Variants in RORA observed in about 807,000 individuals in gnomAD.
RORA encodes nuclear receptor ROR-alpha.
In RORA, 7 loss-of-function variants were observed where a neutral mutation model predicts 69.5. The observed-to-expected ratio is 0.10, with a 90% CI of 0.06 to 0.19. The LOEUF (loss-of-function observed/expected upper bound fraction) is 0.19, where lower values mean the gene tolerates loss of function less well. RORA is among the 10% of genes least tolerant of loss of function. The probability of loss-of-function intolerance (pLI) is 1.00; values close to 1 mark genes in which losing one functional copy is unlikely to be tolerated. For missense variants in RORA, 457 were observed against 663.0 expected (o/e 0.69, Z 3.41); for synonymous variants, 261 against 240.8 (o/e 1.08, Z -0.78).
At chr15:61,031,038 C>T (rs1410661774) in intron 1 of RORA, among the ~76,000 whole-genome samples, 1 of 152,148 alleles carries the variant, frequency 6.6e-6, no homozygotes, top group African/African-American at 2.4e-5. Context: ...AAGACCAAAA[C>T]AGTTGACATC....
intron 1 of RORA, among the ~76,000 whole-genome samples, chr15:60,741,749 G>C (rs1041807115): frequency 6.6e-6 from 1 of 152,172 alleles, no homozygotes; most frequent in Non-Finnish European, 1.5e-5. Context: ...CCCTCTCCCT[G>C]GAAATTTAGA....
chr15:61,086,943 C>T (rs968921998), intron 1 of RORA, among the ~76,000 whole-genome samples: 9 of 152,066 alleles, frequency 5.9e-5, no homozygotes, highest in Admixed American at 2.0e-4. Flanking sequence ...TAGGCCAAGG[C>T]GGAAGGATGG....
At chr15:60,635,132 C>T (rs533972886) in intron 2 of RORA, among the ~76,000 whole-genome samples, 4 of 152,328 alleles carry the variant, frequency 2.6e-5, no homozygotes, top group South Asian at 4.1e-4. Context: ...CTCTGCACAT[C>T]GATGTGCCGC....
At chr15:61,184,759 A>T (rs1214391086) in intron 1 of RORA, among the ~76,000 whole-genome samples, 1 of 152,034 alleles carries the variant, frequency 6.6e-6, no homozygotes, top group Non-Finnish European at 1.5e-5. Context: ...CCAAGGTGGG[A>T]GAATTACTTG....
chr15:61,151,217 A>C (rs1170566255), intron 1 of RORA, among the ~76,000 whole-genome samples: 1 of 152,228 alleles, frequency 6.6e-6, no homozygotes, highest in Non-Finnish European at 1.5e-5. Flanking sequence ...TGATGTTATG[A>C]GAAAGACACC....
At chr15:61,156,580 C>T (rs2079445607) in intron 1 of RORA, among the ~76,000 whole-genome samples, 1 of 151,990 alleles carries the variant, frequency 6.6e-6, no homozygotes, top group Non-Finnish European at 1.5e-5. Context: ...AAACAGGAAG[C>T]CTGAGACCCT....
chr15:61,044,727 A>G (rs1039748231), intron 1 of RORA, among the ~76,000 whole-genome samples: 3 of 152,198 alleles, frequency 2.0e-5, no homozygotes. Flanking sequence ...CTCATCAGGT[A>G]TGATTGCTCC....
chr15:61,154,674 C>T (rs12708466), intron 1 of RORA, among the ~76,000 whole-genome samples: 74,467 of 151,540 alleles, frequency 0.49, 19,511 homozygotes, highest in Non-Finnish European at 0.59. Context: ...CAGTCAAGTC[C>T]CTCTCCCAGC....
intron 1 of RORA, among the ~76,000 whole-genome samples, chr15:60,821,009 G>C (rs1471882804): frequency 7.0e-6 from 1 of 143,262 alleles, no homozygotes; most frequent in Non-Finnish European, 1.5e-5. Context: ...CTCTGGAAGG[G>C]AACACCACCA....
chr15:60,778,755 T>C (rs7173981), intron 1 of RORA, among the ~76,000 whole-genome samples: 30,432 of 152,102 alleles, frequency 0.2, 3,108 homozygotes, highest in South Asian at 0.28. Flanking sequence ...TTACTGTTTT[T>C]CTCTTTCCCT....
rs1029440518 is a variant in RORA, at chr15:60,494,402, G to T, written c.*3053C>A. ...GTAGCAGCGGGGCTGACAGTGATGT[G>T]GTTCCAATCCTTAAAAGACTATTGG... On this transcript the variant is annotated 3_prime_UTR_variant, in exon 11 of 11. Transcript: ENST00000335670. 1 of 152,164 alleles carries T rather than the reference G, an allele frequency of 6.6e-6. No individual in the cohort carries two copies. The highest frequency in any genetic ancestry group is 2.4e-5 in the African/African-American group (1 of 41,432). The allele number at this position is 152,164 out of a possible 1,614,324, so 9.4% of individuals were successfully genotyped here.
chr15:60,826,391 C>A (rs1595745903), intron 1 of RORA, among the ~76,000 whole-genome samples: 2 of 152,160 alleles, frequency 1.3e-5, no homozygotes, highest in South Asian at 4.1e-4. Context: ...TAAAAACAAC[C>A]CCTGTTCTCA....
intron 1 of RORA, among the ~76,000 whole-genome samples, chr15:61,071,237 G>A (rs1431539246): frequency 2.0e-4 from 2 of 10,054 alleles, no homozygotes; most frequent in South Asian, 4.2e-3. Flanking sequence ...GGAAGGGAGG[G>A]GAGGGGAAGG....
At chr15:60,973,252 T>C (rs1893777006) in intron 1 of RORA, among the ~76,000 whole-genome samples, 1 of 152,156 alleles carries the variant, frequency 6.6e-6, no homozygotes, top group Non-Finnish European at 1.5e-5. Context: ...GAGTGAGATC[T>C]GTGAGAACCC....
chr15:60,518,677 C>T (rs1049996409), intron 3 of RORA, among the ~76,000 whole-genome samples: 8 of 152,346 alleles, frequency 5.3e-5, no homozygotes, highest in South Asian at 2.1e-4. Context: ...CTCCTAGCGC[C>T]GTCTGTAATG....
In RORA at chr15:60,667,039, G is replaced by T. The variant is rs556671799; in HGVS notation, c.196+11618C>A. Among the ~76,000 whole-genome samples, 7 of 152,234 alleles carry T rather than the reference G, an allele frequency of 4.6e-5. No homozygotes were observed. In the South Asian group the frequency reaches 1.2e-3, roughly 27 times the overall value. On this transcript the variant is annotated intron_variant, in intron 2 of 10. Transcript: ENST00000335670. ...TTTCTTTTTTATTGTGCAGGAGCAG[G>T]AATTACCGAATGTAAGGCTGGTGTT...
At chr15:61,143,382 C>A (rs1415996666) in intron 1 of RORA, among the ~76,000 whole-genome samples, 1 of 152,046 alleles carries the variant, frequency 6.6e-6, no homozygotes, top group African/African-American at 2.4e-5. Flanking sequence ...GTATTCTCCC[C>A]TAAATTTAAT....
intron 1 of RORA, among the ~76,000 whole-genome samples, chr15:60,935,050 T>G (rs922137007): frequency 6.6e-6 from 1 of 152,252 alleles, no homozygotes; most frequent in Non-Finnish European, 1.5e-5. Context: ...TATCCCCATT[T>G]TAGAAATAAT....
chr15:60,991,662 C>T (rs950597880), intron 1 of RORA, among the ~76,000 whole-genome samples: 2 of 152,104 alleles, frequency 1.3e-5, no homozygotes, highest in African/African-American at 4.8e-5. Flanking sequence ...CTTTCGGAGG[C>T]TGAGGCGAGA....
Sources: allele counts gnomAD v4.1 joint callset (sites outside exome capture counted in the v4.1 genomes callset), GRCh38; gene constraint gnomAD v4.1.1; transcripts MANE v1.5; gene names NCBI Gene and HGNC (gene_info 2026-07-23, HGNC 2026-07-21).